Variants in RANBP3L observed in about 807,000 individuals in gnomAD.
RANBP3L encodes the protein RAN binding protein 3 like, also known as ran-binding protein 3-like.
Under a neutral mutation model 67.2 loss-of-function variants are expected in RANBP3L, and 56 were observed. That is an observed-to-expected ratio of 0.83 (90% CI 0.67 to 1.04). The LOEUF (loss-of-function observed/expected upper bound fraction) is 1.04, where lower values mean the gene tolerates loss of function less well. RANBP3L is among the 50% of genes least tolerant of loss of function. The pLI, the probability that RANBP3L is intolerant of heterozygous loss-of-function variation, is 0.00. For synonymous variants in RANBP3L, 164 were observed against 181.4 expected (o/e 0.90, Z 0.77); for missense variants, 496 against 535.5 (o/e 0.93, Z 0.73).
chr5:36,269,308 T>C (rs920712244), intron 4 of RANBP3L, 82 bp downstream of exon 4: 26 of 834,106 alleles, frequency 3.1e-5, no homozygotes, highest in Non-Finnish European at 5.1e-5. Context: ...CTTTTAACAT[T>C]ACCCTTTTGA....
chr5:36,301,425 C>T lies in RANBP3L; in HGVS notation c.-9G>A, dbSNP rs1006635944. The T allele has an allele frequency of 3.7e-6, 6 of 1,611,038 alleles. No homozygotes were observed. The highest frequency in any genetic ancestry group is 5.1e-6 in the Non-Finnish European group (6 of 1,178,166). Reference sequence around the variant, plus strand: ...CTTGGTATGGTAGTCATGGTCCTAGCAGTATGGCTGTGACTCAAGGATCAC... The same window carrying T: ...CTTGGTATGGTAGTCATGGTCCTAGTAGTATGGCTGTGACTCAAGGATCAC... On this transcript the variant is annotated 5_prime_UTR_variant, in exon 1 of 14. Coordinates refer to ENST00000296604, the MANE Select transcript of RANBP3L (RefSeq NM_145000.5).
At chr5:36,274,771 G>C (rs1398553826) in intron 1 of RANBP3L, among the ~76,000 whole-genome samples, 1 of 152,018 alleles carries the variant, frequency 6.6e-6, no homozygotes, top group Non-Finnish European at 1.5e-5. Flanking sequence ...AAAGGGTATT[G>C]GGGGGAAGGG....
rs1355948887 is a variant in RANBP3L at position 36,301,745 on chromosome 5, T to C, written c.-329A>G. 2 of 203,662 alleles carry C rather than the reference T, an allele frequency of 9.8e-6. No individual in the cohort carries two copies. The highest frequency in any genetic ancestry group is 2.0e-5 in the Non-Finnish European group (2 of 100,958). The allele number at this position is 203,662 out of a possible 1,614,324, so 12.6% of individuals were successfully genotyped here. On this transcript the variant is annotated 5_prime_UTR_variant, in exon 1 of 14. An upstream open reading frame in the 5' UTR loses its in-frame stop. Transcript: ENST00000296604. ...CTACAAATTAACTATTTCTAACAGA[T>C]TACACTTTTGTCATTTTTAAATTCC...
At chr5:36,299,335 A>ATGTGTGTGTGTGTGTG (rs368964724) in intron 1 of RANBP3L, among the ~76,000 whole-genome samples, 25 of 145,260 alleles carry the variant, frequency 1.7e-4, no homozygotes, top group African/African-American at 5.9e-4. Context: ...ACATACATAT[A>ATGTGTGTGTGTGTGTG]TGTGTGTGTG....
intron 1 of RANBP3L, among the ~76,000 whole-genome samples, chr5:36,281,399 C>T (rs1003660014): frequency 3.9e-5 from 6 of 152,164 alleles, no homozygotes; most frequent in Admixed American, 2.6e-4. Flanking sequence ...TCTAAAATTA[C>T]GGGACCTGTC....
chr5:36,267,930 T>A (rs141926447), intron 4 of RANBP3L, among the ~76,000 whole-genome samples: 210 of 152,324 alleles, frequency 1.4e-3, no homozygotes, highest in African/African-American at 4.7e-3. Flanking sequence ...TTTATAGGGC[T>A]GCCTTAAATA....
At position 36,248,957 on chromosome 5, in the gene RANBP3L, A is replaced by G. The variant is rs1338812907; in HGVS notation, c.*697T>C. On this transcript the variant is annotated 3_prime_UTR_variant, in exon 14 of 14. Transcript: ENST00000296604. ...TATAATTACATAAATAAAGTAGAAC[A>G]GTTAACATATTTGGCTTTCTTACAC... The G allele has an allele frequency of 2.0e-5, 3 of 152,150 alleles. No individual in the cohort carries two copies. Among genetic ancestry groups the G allele is most frequent in the Non-Finnish European group, 2.9e-5 (2 of 67,958 alleles). 9.4% of individuals were successfully genotyped at this position (152,150 alleles called of 1,614,324 possible).
rs559408825 is a variant in RANBP3L at position 36,293,462 on chromosome 5, T to G, written c.91+7864A>C. 1.3e-3 allele frequency among the ~76,000 whole-genome samples: 192 copies of G among 152,022 alleles called. 1 individual carries two copies. Among genetic ancestry groups the G allele is most frequent in the African/African-American group, 4.5e-3 (186 of 41,448 alleles). On this transcript the variant is annotated intron_variant, in intron 1 of 13. Coordinates refer to ENST00000296604, the MANE Select transcript of RANBP3L (RefSeq NM_145000.5). ...TGTTGAATAGGAGTGGTGAGAGAGG[T>G]CATCCCTGTCTTGTGCCAGTCTTCA...
At chr5:36,265,374 C>A in intron 5 of RANBP3L, 75 bp downstream of exon 5, 1 of 942,186 alleles carries the variant, frequency 1.1e-6, no homozygotes, top group South Asian at 1.6e-5. Flanking sequence ...CCAACACACG[C>A]ACACATATAG....
At chr5:36,268,682 G>A (rs757110597) in intron 4 of RANBP3L, among the ~76,000 whole-genome samples, 1 of 151,824 alleles carries the variant, frequency 6.6e-6, no homozygotes, top group South Asian at 2.1e-4. Context: ...TTTTCAAGGG[G>A]TAGGCATCCA....
chr5:36,257,615 T>A lies in RANBP3L; in HGVS notation c.670-59A>T, dbSNP rs969265816. The A allele has an allele frequency of 5.3e-6, 4 of 760,572 alleles. No individual in the cohort carries two copies. The African/African-American group carries it at 5.5e-5, about 10-fold the overall frequency. 47.1% of individuals were successfully genotyped at this position (760,572 alleles called of 1,614,324 possible). A position where few individuals can be genotyped will look rare whatever the true frequency, so the allele number is the denominator to read the frequency against. Reference sequence around the variant, plus strand: ...ATAAAAGTTTTAATTTTATCCCTACTATGTTTGCAGTAAGACACTTCCGTT... The same window carrying A: ...ATAAAAGTTTTAATTTTATCCCTACAATGTTTGCAGTAAGACACTTCCGTT... On this transcript the variant is annotated intron_variant, in intron 8 of 13. Coordinates refer to ENST00000296604, the MANE Select transcript of RANBP3L (RefSeq NM_145000.5).
In RANBP3L at chr5:36,298,249, G is replaced by A. The variant is rs376006921; in HGVS notation, c.91+3077C>T. Among the ~76,000 whole-genome samples, 217 of 149,972 alleles carry A rather than the reference G, an allele frequency of 1.4e-3. 4 individuals carry two copies. The South Asian group carries it at 0.044, about 30-fold the overall frequency. ...CGGGAGGCAGAGGTTGCAGTGAGCC[G>A]AGATCATGCCACTGCACTCCAGCCT... On this transcript the variant is annotated intron_variant, in intron 1 of 13. Coordinates refer to ENST00000296604, the MANE Select transcript of RANBP3L (RefSeq NM_145000.5).
At position 36,251,309 on chromosome 5, in the gene RANBP3L, T is replaced by A; in HGVS notation, c.1354+4A>T. 4 of 1,609,936 alleles carry A rather than the reference T, an allele frequency of 2.5e-6. No homozygotes were observed. Among genetic ancestry groups the A allele is most frequent in the Non-Finnish European group, 3.4e-6 (4 of 1,177,522 alleles). ...TCTGAACTAACAAAACAAAAGCTATTTACCTGATCCATTTTTAGTGACTTG... is the reference window on the plus strand; with the variant it reads ...TCTGAACTAACAAAACAAAAGCTATATACCTGATCCATTTTTAGTGACTTG... On this transcript the variant is annotated splice_donor_region_variant and intron_variant, in intron 13 of 13. Coordinates refer to ENST00000296604, the MANE Select transcript of RANBP3L (RefSeq NM_145000.5).
At position 36,249,588 on chromosome 5, in the gene RANBP3L, G is replaced by T; in HGVS notation, c.*66C>A. 1.4e-6 allele frequency: 1 copy of T among 711,714 alleles called. No individual in the cohort carries two copies. The highest frequency in any genetic ancestry group is 2.3e-6 in the Non-Finnish European group (1 of 426,186). The allele number at this position is 711,714 out of a possible 1,614,324, so 44.1% of individuals were successfully genotyped here. On this transcript the variant is annotated 3_prime_UTR_variant, in exon 14 of 14. Transcript: ENST00000296604. Reference sequence around the variant, plus strand: ...GAATAGAATCTTCTCATTAGTTAGGGTGGTTTAGTATTTTCAGTAGGGTGA... The same window carrying T: ...GAATAGAATCTTCTCATTAGTTAGGTTGGTTTAGTATTTTCAGTAGGGTGA...
chr5:36,277,548 T>G (rs184988692), intron 1 of RANBP3L, among the ~76,000 whole-genome samples: 1 of 151,660 alleles, frequency 6.6e-6, no homozygotes, highest in Non-Finnish European at 1.5e-5. Context: ...TTCTAACCTT[T>G]TGAAACAAAG....
intron 6 of RANBP3L, among the ~76,000 whole-genome samples, chr5:36,263,124 A>G (rs1424926510): frequency 6.6e-6 from 1 of 152,126 alleles, no homozygotes; most frequent in African/African-American, 2.4e-5. Context: ...TCTTATATAC[A>G]GTGTGTCTCT....
chr5:36,279,644 G>T (rs1750836101), intron 1 of RANBP3L, among the ~76,000 whole-genome samples: 1 of 152,150 alleles, frequency 6.6e-6, no homozygotes, highest in Admixed American at 6.6e-5. Flanking sequence ...ACATGTTGAA[G>T]ATGTAACCAA....
intron 1 of RANBP3L, among the ~76,000 whole-genome samples, chr5:36,292,760 A>G (rs1288898121): frequency 2.0e-5 from 3 of 151,986 alleles, no homozygotes; most frequent in African/African-American, 7.3e-5. Context: ...ATTGATCTAT[A>G]TCTCTGTTTT....
Position 36,269,876 on chromosome 5 carries a change from C to T in RANBP3L, c.190+75G>A, listed in dbSNP as rs1750086285. Reference sequence around the variant, plus strand: ...ATTAACTTTCACATAGTCTGTGCCACATGCCAAAATACTTGTGTCTGCTAA... The same window carrying T: ...ATTAACTTTCACATAGTCTGTGCCATATGCCAAAATACTTGTGTCTGCTAA... On this transcript the variant is annotated intron_variant, in intron 3 of 13. Coordinates refer to ENST00000296604, the MANE Select transcript of RANBP3L (RefSeq NM_145000.5). 3 of 1,194,864 alleles carry T rather than the reference C, an allele frequency of 2.5e-6. No individual in the cohort carries two copies. In the South Asian group the frequency reaches 3.6e-5, roughly 14 times the overall value. The allele number at this position is 1,194,864 out of a possible 1,614,324, so 74.0% of individuals were successfully genotyped here.
Sources: allele counts gnomAD v4.1 joint callset (sites outside exome capture counted in the v4.1 genomes callset), GRCh38; gene constraint gnomAD v4.1.1; transcripts MANE v1.5; gene names NCBI Gene and HGNC (gene_info 2026-07-23, HGNC 2026-07-21).